The following OLFM1 variants were observed in gnomAD, a reference collection of about 807,000 sequenced individuals.
The protein encoded by OLFM1 is noelin.
In OLFM1, 9 loss-of-function variants were observed where a neutral mutation model predicts 49.7. That is an observed-to-expected ratio of 0.18 (90% CI 0.11 to 0.32). The LOEUF is 0.32. Among genes scored for constraint, OLFM1 ranks in the 10% least tolerant of loss-of-function variants. The pLI is 1.00. For missense variants in OLFM1, 369 were observed against 661.8 expected, an observed-to-expected ratio of 0.56 and a Z score of 4.85; for synonymous variants, 240 against 271.8, an observed-to-expected ratio of 0.88 and a Z score of 1.15.
chr9:135,087,353 G>A (rs1320419263), upstream of OLFM1: 3 of 1,544,782 alleles, frequency 1.9e-6, no homozygotes, highest in African/African-American at 4.1e-5. Context: ...GGGGATCGGA[G>A]AGGGATGCCC....
chr9:135,112,546 G>C (rs575366220), intron 5 of OLFM1, among the ~76,000 whole-genome samples: 1 of 152,242 alleles, frequency 6.6e-6, no homozygotes, highest in South Asian at 2.1e-4. Flanking sequence ...CAGCCTTGGG[G>C]CTCTGTGTAG....
Position 135,120,792 on chromosome 9 carries a change from A to G in OLFM1, c.*614A>G, listed in dbSNP as rs1469046251. 1 of 152,954 alleles carries G rather than the reference A, an allele frequency of 6.5e-6. No homozygotes were observed. Among genetic ancestry groups the G allele is most frequent in the African/African-American group, 2.4e-5 (1 of 41,418 alleles). 9.5% of individuals were successfully genotyped at this position (152,954 alleles called of 1,614,324 possible). A position where few individuals can be genotyped will look rare whatever the true frequency, so the allele number is the denominator to read the frequency against. On this transcript the variant is annotated 3_prime_UTR_variant, in exon 6 of 6. Transcript: ENST00000371793. ...TTGAACTCGCGTACCCCGTAGATAC[A>G]TTGTGCAACGTTCTTCTGTTATTCC... is the stretch of plus-strand genomic sequence containing the variant.
upstream of OLFM1, chr9:135,086,624 A>C (rs1368657902): frequency 2.2e-6 from 1 of 456,092 alleles, no homozygotes; most frequent in Non-Finnish European, 4.4e-6. Context: ...CCCCGGAGGA[A>C]GTGGCTTTCA....
At chr9:135,086,984 C>T (rs1456203483), upstream of OLFM1, among the ~76,000 whole-genome samples, 1 of 152,258 alleles carries the variant, frequency 6.6e-6, no homozygotes. Flanking sequence ...GCCGGGTGTG[C>T]GCCCTCCCAG....
intron 1 of OLFM1, chr9:135,076,777 C>T: frequency 6.6e-7 from 1 of 1,506,648 alleles, no homozygotes; most frequent in Non-Finnish European, 8.9e-7. Context: ...GCCCCTGACC[C>T]TTCTTTCCTT....
At chr9:135,077,500 C>T (rs112459822) in intron 1 of OLFM1, 3,960 of 368,454 alleles carry the variant, frequency 0.011, 133 homozygotes, top group African/African-American at 0.075. Flanking sequence ...TCCATCCACA[C>T]GAAGGGTGCT....
intron 2 of OLFM1, among the ~76,000 whole-genome samples, chr9:135,090,844 C>G (rs1420448966): frequency 6.6e-6 from 1 of 152,208 alleles, no homozygotes. Context: ...AATGGTTGTA[C>G]CTGGCCAGTG....
At chr9:135,101,001 C>T (rs1830863208) in intron 4 of OLFM1, among the ~76,000 whole-genome samples, 1 of 152,194 alleles carries the variant, frequency 6.6e-6, no homozygotes, top group African/African-American at 2.4e-5. Context: ...CCTCCCTCTT[C>T]CCAGGCTTTC....
chr9:135,097,710 C>A, intron 3 of OLFM1: 1 of 1,265,734 alleles, frequency 7.9e-7, no homozygotes, highest in Non-Finnish European at 1.2e-6. Context: ...ATATGTGTTT[C>A]CTGATGGCTG....
chr9:135,107,174 G>C (rs892385437), intron 5 of OLFM1, among the ~76,000 whole-genome samples: 13 of 143,964 alleles, frequency 9.0e-5, no homozygotes, highest in African/African-American at 3.4e-4. Context: ...GGCTGGGCTG[G>C]TGCCCCAAGT....
At chr9:135,101,381 A>G (rs1830868408) in intron 4 of OLFM1, among the ~76,000 whole-genome samples, 1 of 152,058 alleles carries the variant, frequency 6.6e-6, no homozygotes, top group Admixed American at 6.5e-5. Context: ...GGCTCTCCCA[A>G]AGTCTTCCTG....
chr9:135,113,955 C>T lies in OLFM1; in HGVS notation c.784-5549C>T, dbSNP rs146801710. Among the ~76,000 whole-genome samples the T allele has an allele frequency of 1.1e-4, 17 of 152,184 alleles. No individual in the cohort carries two copies. Among genetic ancestry groups the T allele is most frequent in the Middle Eastern group, 3.4e-3 (1 of 294 alleles). On this transcript the variant is annotated intron_variant, in intron 5 of 5. Coordinates refer to ENST00000371793, the MANE Select transcript of OLFM1 (RefSeq NM_001282611.2). This position sits in a 1 kb window ranked among gnomAD's most constrained non-coding sequence, Gnocchi z 4.0. ...ATGCCAGGGGAGGACCCTCCTGCCT[C>T]GTCTCGTGGCTCCATGTGTTCCTGG...
At chr9:135,076,693 G>A in intron 1 of OLFM1, 4 of 1,385,618 alleles carry the variant, frequency 2.9e-6, no homozygotes, top group African/African-American at 1.5e-5. Context: ...CTCTGAACTG[G>A]GAGACTCTGG....
chr9:135,106,544 T>G, intron 4 of OLFM1: 4 of 567,744 alleles, frequency 7.0e-6, no homozygotes, highest in Admixed American at 3.1e-5. Flanking sequence ...AGCTGCTCTG[T>G]TTTGGGGAGG....
intron 5 of OLFM1, among the ~76,000 whole-genome samples, chr9:135,109,248 A>T (rs1329533511): frequency 2.6e-5 from 4 of 152,162 alleles, no homozygotes; most frequent in African/African-American, 9.7e-5. Flanking sequence ...TAGTCAAGTT[A>T]TCGTTTTTCT....
In OLFM1 at chr9:135,098,217, G is replaced by T. The variant is rs764186945; in HGVS notation, c.457-69G>T. On this transcript the variant is annotated intron_variant, in intron 3 of 5. Coordinates refer to ENST00000371793, the MANE Select transcript of OLFM1 (RefSeq NM_001282611.2). The surrounding 1 kb of genome is among the most constrained non-coding windows in gnomAD (Gnocchi z 5.6). ...CACACTTTCCCTCACCTAGGGAGAA[G>T]CCAGGCCAAGGCAGGGTGTGAGAGT... 39 of 1,568,388 alleles carry T rather than the reference G, an allele frequency of 2.5e-5. No individual in the cohort carries two copies. Among genetic ancestry groups the T allele is most frequent in the Non-Finnish European group, 3.3e-5 (38 of 1,148,740 alleles).
In OLFM1 at chr9:135,091,673, A is replaced by ACATAGT. The variant is rs796907081; in HGVS notation, c.300+1330_300+1331insATAGTC. Among the ~76,000 whole-genome samples, 8 of 1,862 alleles carry ACATAGT rather than the reference A, an allele frequency of 4.3e-3. 1 individual carries two copies. Among genetic ancestry groups the ACATAGT allele is most frequent in the Non-Finnish European group, 0.01 (8 of 772 alleles). The allele number at this position is 1,862 out of a possible 152,430, so 1.2% of individuals were successfully genotyped here. Reference sequence around the variant, plus strand: ...CATAGTCACACACACACAGTCACACACTCACACATAGTCTCACACACACAC... The same window carrying ACATAGT: ...CATAGTCACACACACACAGTCACACACATAGTCTCACACATAGTCTCACACACACAC... On this transcript the variant is annotated intron_variant, in intron 2 of 5. Transcript: ENST00000371793.
At position 135,119,962 on chromosome 9, in the gene OLFM1, C is replaced by A; in HGVS notation, c.1242C>A (p.Val414=). 6.2e-7 allele frequency: 1 copy of A among 1,613,718 alleles called. No individual in the cohort carries two copies. The highest frequency in any genetic ancestry group is 8.5e-7 in the Non-Finnish European group (1 of 1,180,040). The change falls in exon 6 of 6, where the codon GTC becomes GTA. Residue 414 remains valine (V), a synonymous_variant. Coordinates refer to ENST00000371793, the MANE Select transcript of OLFM1 (RefSeq NM_001282611.2). Reference sequence around the variant, plus strand: ...TCATCATCTGCGGCACGCTGTACGTCACCAACGGCTACTCAGGGGGTACCA... The same window carrying A: ...TCATCATCTGCGGCACGCTGTACGTAACCAACGGCTACTCAGGGGGTACCA... ...EAFIICGTLY[V]TNGYSGGTKV... is the part of the protein sequence containing the mutation.
At chr9:135,106,216 G>A (rs567825556) in intron 4 of OLFM1, 1 of 153,726 alleles carries the variant, frequency 6.5e-6, no homozygotes, top group East Asian at 1.9e-4. Context: ...TTTGTCCCGG[G>A]TCAGTTCCGG....
Sources: allele counts gnomAD v4.1 joint callset (sites outside exome capture counted in the v4.1 genomes callset), GRCh38; gene constraint gnomAD v4.1.1; non-coding constraint Gnocchi (gnomAD v3.1); transcripts MANE v1.5; gene names NCBI Gene and HGNC (gene_info 2026-07-23, HGNC 2026-07-21).